PFKFB3: variants seen among roughly 807,000 people sequenced by gnomAD.
PFKFB3 encodes the protein 6-phosphofructo-2-kinase/fructose-2,6-bisphosphatase 3.
In PFKFB3, 33 loss-of-function variants were observed where a neutral mutation model predicts 68.0. The ratio of observed to expected loss-of-function variants is 0.49; its 90% confidence interval spans 0.37 to 0.65. The LOEUF is 0.65. Among genes scored for constraint, PFKFB3 ranks in the 30% least tolerant of loss-of-function variants. PFKFB3 has a pLI of 0.00. For synonymous variants in PFKFB3, 315 were observed against 288.2 expected (o/e 1.09, Z -0.94); for missense variants, 586 against 712.2 (o/e 0.82, Z 2.02).
Position 6,221,739 on chromosome 10 carries a change from C to T in PFKFB3, c.1077C>T (p.Thr359=), listed in dbSNP as rs574652943. 3.1e-5 allele frequency: 50 copies of T among 1,595,638 alleles called. No individual in the cohort carries two copies. In the South Asian group the frequency reaches 4.3e-4, roughly 14 times the overall value. The change falls in exon 10 of 15, where the codon ACC becomes ACT. Residue 359 remains threonine, a synonymous_variant. Coordinates refer to ENST00000379775, the MANE Select transcript of PFKFB3 (RefSeq NM_004566.4). ...ACAAGTACTATTACCGCTACCCCAC[C>T]GGGGAGGTGAGCGCAGGCTGGGGCG... ...EQDKYYYRYP[T]GESYQDLVQR... is the part of the protein sequence containing the mutation.
intron 14 of PFKFB3, among the ~76,000 whole-genome samples, chr10:6,251,890 C>T (rs1369870163): frequency 6.6e-6 from 1 of 152,150 alleles, no homozygotes; most frequent in African/African-American, 2.4e-5. Context: ...ATCACTTGAA[C>T]CCGGAAGGTG....
chr10:6,182,104 A>G (rs146503848), intron 1 of PFKFB3, among the ~76,000 whole-genome samples: 2 of 152,316 alleles, frequency 1.3e-5, no homozygotes, highest in East Asian at 1.9e-4. Context: ...AAAGCAAAAG[A>G]TAAGAGTTGG....
At chr10:6,242,136 G>T in intron 14 of PFKFB3, among the ~76,000 whole-genome samples, 1 of 152,062 alleles carries the variant, frequency 6.6e-6, no homozygotes, top group East Asian at 1.9e-4. Context: ...ATGCTACCTT[G>T]CCAGGCCCTT....
intron 6 of PFKFB3, among the ~76,000 whole-genome samples, chr10:6,217,727 G>A (rs574185015): frequency 4.4e-4 from 67 of 152,208 alleles, no homozygotes; most frequent in African/African-American, 1.5e-3. Flanking sequence ...ATAAATTGAG[G>A]GCACTTGGCA....
At position 6,145,240 on chromosome 10, in the gene PFKFB3, C is replaced by G. The variant is rs560250133; in HGVS notation, c.16+227C>G. ...CCAGATCCGCACTGTCTCCTCCGGTCCTGCGTGTCCCCTCCGGCCCCACGC... is the reference window on the plus strand; with the variant it reads ...CCAGATCCGCACTGTCTCCTCCGGTGCTGCGTGTCCCCTCCGGCCCCACGC... On this transcript the variant is annotated intron_variant, in intron 1 of 14. Transcript: ENST00000379789. 2.3e-3 allele frequency among the ~76,000 whole-genome samples: 351 copies of G among 152,130 alleles called. 2 individuals carry two copies. The highest frequency in any genetic ancestry group is 8.2e-3 in the African/African-American group (339 of 41,530).
At chr10:6,195,845 C>G (rs1843161667) in intron 1 of PFKFB3, among the ~76,000 whole-genome samples, 1 of 152,204 alleles carries the variant, frequency 6.6e-6, no homozygotes. Flanking sequence ...ATTTTCCATT[C>G]ACTTATTCTC....
intron 8 of PFKFB3, 143 bp from the exon 9 acceptor site, chr10:6,221,238 C>A: frequency 2.3e-6 from 2 of 880,928 alleles, no homozygotes; most frequent in Non-Finnish European, 3.4e-6. Flanking sequence ...AGGGTGTGTG[C>A]GGCTGTGGCT....
At chr10:6,318,731 C>T in the PFKFB3 span, among the ~76,000 whole-genome samples, 2 of 152,208 alleles carry the variant, frequency 1.3e-5, no homozygotes, top group Non-Finnish European at 2.9e-5. Context: ...AGGCCTCTGA[C>T]ACTTTGTGTA....
At chr10:6,190,904 G>A (rs1470335257) in intron 1 of PFKFB3, among the ~76,000 whole-genome samples, 3 of 152,136 alleles carry the variant, frequency 2.0e-5, no homozygotes, top group African/African-American at 7.2e-5. Context: ...TCAGCCTCCT[G>A]AGTAGCTGGG....
rs1048882486 is a variant in PFKFB3, at chr10:6,251,087, G to T, written c.1516-3091G>T. On this transcript the variant is annotated intron_variant, in intron 14 of 14. Coordinates refer to the PFKFB3 transcript ENST00000640683. ...GTAGGCTATTCTAATCTGCAGCCTA[G>T]GTTGAAACCATTGAACCAGGAAAAC... Among the ~76,000 whole-genome samples the T allele has an allele frequency of 8.5e-4, 130 of 152,258 alleles. 1 individual carries two copies. Among genetic ancestry groups the T allele is most frequent in the African/African-American group, 2.8e-3 (116 of 41,552 alleles).
At position 6,233,721 on chromosome 10, in the gene PFKFB3, G is replaced by T. The variant is rs568451349; in HGVS notation, c.*779G>T. The T allele has an allele frequency of 6.5e-6, 1 of 153,042 alleles. No homozygotes were observed. Among genetic ancestry groups the T allele is most frequent in the East Asian group, 1.9e-4 (1 of 5,328 alleles). The allele number at this position is 153,042 out of a possible 1,614,324, so 9.5% of individuals were successfully genotyped here. ...CCCACCTGGACTTGGGGGGAACTGA[G>T]AAACACTTTCCTGGAGCTGCTGGCT... On this transcript the variant is annotated 3_prime_UTR_variant, in exon 15 of 15. Transcript: ENST00000379775.
At chr10:6,145,121 C>A in intron 1 of PFKFB3, 1 of 924,736 alleles carries the variant, frequency 1.1e-6, no homozygotes, top group Non-Finnish European at 1.4e-6. Context: ...AAGCACTGTG[C>A]ACCCGGGCTG....
chr10:6,170,253 A>T (rs1462392888), intron 1 of PFKFB3, among the ~76,000 whole-genome samples: 2 of 152,240 alleles, frequency 1.3e-5, no homozygotes, highest in Non-Finnish European at 2.9e-5. Context: ...TTGACTAGTC[A>T]CTTTATCCTG....
Position 6,178,876 on chromosome 10 carries a change from G to C in PFKFB3, c.16+33863G>C, listed in dbSNP as rs368273166. On this transcript the variant is annotated intron_variant, in intron 1 of 14. Transcript: ENST00000379789. ...ACGCAGCGCACTGGTCCCTACCTTG[G>C]AGGCCTGACTCCCTTGAGAAGTGTC... is the stretch of plus-strand genomic sequence containing the variant. Among the ~76,000 whole-genome samples, 27 of 152,310 alleles carry C rather than the reference G, an allele frequency of 1.8e-4. 1 individual carries two copies. Among genetic ancestry groups the C allele is most frequent in the African/African-American group, 6.3e-4 (26 of 41,568 alleles).
chr10:6,206,814 C>A (rs1292836362), intron 1 of PFKFB3, among the ~76,000 whole-genome samples: 2 of 32,492 alleles, frequency 6.2e-5, no homozygotes, highest in African/African-American at 1.1e-4. Context: ...GGCGGCCGGG[C>A]AGAGACGCTC....
chr10:6,286,064 A>G, the PFKFB3 span, among the ~76,000 whole-genome samples: 2 of 126,934 alleles, frequency 1.6e-5, no homozygotes, highest in Middle Eastern at 6.2e-3. Context: ...TGGAAACTCC[A>G]CCTCCCGGGT....
intron 1 of PFKFB3, among the ~76,000 whole-genome samples, chr10:6,158,463 T>C (rs79722252): frequency 0.011 from 1,639 of 152,254 alleles, 66 homozygotes; most frequent in East Asian, 0.099. Flanking sequence ...TGGCTTTCAG[T>C]GTTGACAGAA....
rs577494813 is a variant in PFKFB3, at chr10:6,157,241, T to G, written c.16+12228T>G. Among the ~76,000 whole-genome samples the G allele has an allele frequency of 3.3e-5, 5 of 151,890 alleles. No homozygotes were observed. The East Asian group carries it at 9.7e-4, about 29-fold the overall frequency. On this transcript the variant is annotated intron_variant, in intron 1 of 14. Transcript: ENST00000379789. ...GTAAATAGTTGTGTCTTCTTTTTTT[T>G]TTTGAGACGGAGTCTCGCTCTGTTG... is the stretch of plus-strand genomic sequence containing the variant.
intron 1 of PFKFB3, among the ~76,000 whole-genome samples, chr10:6,156,981 A>C (rs1841823143): frequency 6.6e-6 from 1 of 150,964 alleles, no homozygotes; most frequent in Admixed American, 6.6e-5. Context: ...CATCCCAGCT[A>C]CTTGGGAGGC....
Sources: allele counts gnomAD v4.1 joint callset (sites outside exome capture counted in the v4.1 genomes callset), GRCh38; gene constraint gnomAD v4.1.1; transcripts MANE v1.5; gene names NCBI Gene and HGNC (gene_info 2026-07-23, HGNC 2026-07-21).